Variants in COL23A1 observed in about 807,000 individuals in gnomAD.
COL23A1 encodes collagen type XXIII alpha 1 chain.
A neutral mutation model predicts 99.3 loss-of-function variants in COL23A1; 97 were observed. The ratio of observed to expected loss-of-function variants is 0.98; its 90% CI spans 0.83 to 1.16. The LOEUF (loss-of-function observed/expected upper bound fraction) is 1.16. Ranked by LOEUF, COL23A1 falls within the 50% of genes most tolerant of loss-of-function variation. COL23A1 has a pLI of 0.00. For missense variants in COL23A1, 762 were observed against 757.4 expected, an observed-to-expected ratio of 1.01 and a Z score of -0.07; for synonymous variants, 320 against 308.2, an observed-to-expected ratio of 1.04 and a Z score of -0.40.
intron 2 of COL23A1, among the ~76,000 whole-genome samples, chr5:178,341,721 C>T (rs894792271): frequency 6.6e-6 from 1 of 152,080 alleles, no homozygotes; most frequent in African/African-American, 2.4e-5. Flanking sequence ...TCCCTGACCT[C>T]GTCTCCCACT....
intron 8 of COL23A1, among the ~76,000 whole-genome samples, chr5:178,263,531 C>T (rs184198384): frequency 4.0e-3 from 604 of 152,332 alleles, no homozygotes; most frequent in Non-Finnish European, 5.7e-3. Flanking sequence ...AGAGGCCCTA[C>T]AGGACCCTTT....
Position 178,238,535 on chromosome 5 carries a change from C to G in COL23A1, c.*163G>C. 1 of 916,482 alleles carries G rather than the reference C, an allele frequency of 1.1e-6. No homozygotes were observed. 56.8% of individuals were successfully genotyped at this position (916,482 alleles called of 1,614,324 possible). On this transcript the variant is annotated 3_prime_UTR_variant, in exon 29 of 29. Coordinates refer to ENST00000390654, the MANE Select transcript of COL23A1 (RefSeq NM_173465.4). ...GTCTGGCCTGTCCACTTTCCGGCAG[C>G]TTCACATGCCGGTGGCTTTGGGGCT...
At chr5:178,565,214 G>A (rs993147175) in intron 1 of COL23A1, among the ~76,000 whole-genome samples, 2 of 152,242 alleles carry the variant, frequency 1.3e-5, no homozygotes, top group African/African-American at 4.8e-5. Context: ...TTTCTGGGCT[G>A]TTGTGATATC....
chr5:178,271,752 C>T lies in COL23A1; in HGVS notation c.442-1389G>A, dbSNP rs568166397. Among the ~76,000 whole-genome samples the T allele has an allele frequency of 1.4e-4, 22 of 152,328 alleles. No individual in the cohort carries two copies. The South Asian group carries it at 2.5e-3, about 17-fold the overall frequency. On this transcript the variant is annotated intron_variant, in intron 5 of 28. Coordinates refer to ENST00000390654, the MANE Select transcript of COL23A1 (RefSeq NM_173465.4). ...GGTAGAGGCTCTGCCAGCTCCTAGC[C>T]GGCAGGGCGCATTGTGGCGACAGTA...
chr5:178,293,238 G>A (rs1170722535), intron 3 of COL23A1, among the ~76,000 whole-genome samples: 1 of 152,098 alleles, frequency 6.6e-6, no homozygotes, highest in Non-Finnish European at 1.5e-5. Flanking sequence ...TTCGGTGTGG[G>A]GGAGGAGGGG....
At chr5:178,552,252 C>G (rs1419844440) in intron 2 of COL23A1, among the ~76,000 whole-genome samples, 1 of 152,130 alleles carries the variant, frequency 6.6e-6, no homozygotes, top group Admixed American at 6.6e-5. Context: ...GAATCTTAGT[C>G]AATAGCTCCC....
rs1346846747 is a variant in COL23A1, at chr5:178,472,041, C to T, written c.361+88641G>A. Reference sequence around the variant, plus strand: ...GCCTGGTGGCTCACACCTCTAATCCCGGTGCTGTGGGAGCTCAAGGAGGGA... The same window carrying T: ...GCCTGGTGGCTCACACCTCTAATCCTGGTGCTGTGGGAGCTCAAGGAGGGA... On this transcript the variant is annotated intron_variant, in intron 2 of 28. Coordinates refer to ENST00000390654, the MANE Select transcript of COL23A1 (RefSeq NM_173465.4). 4.6e-5 allele frequency among the ~76,000 whole-genome samples: 7 copies of T among 152,184 alleles called. No individual in the cohort carries two copies. The South Asian group carries it at 6.2e-4, about 13-fold the overall frequency.
At chr5:178,427,406 T>A (rs1257198401) in intron 2 of COL23A1, among the ~76,000 whole-genome samples, 1 of 152,232 alleles carries the variant, frequency 6.6e-6, no homozygotes, top group Non-Finnish European at 1.5e-5. Flanking sequence ...GCTCCAGCTA[T>A]CTTGCTCCTT....
At chr5:178,403,437 T>TATAA (rs1035197515) in intron 2 of COL23A1, among the ~76,000 whole-genome samples, 1 of 152,178 alleles carries the variant, frequency 6.6e-6, no homozygotes, top group Non-Finnish European at 1.5e-5. Flanking sequence ...AAACGCGTTA[T>TATAA]CTCCATTATT....
chr5:178,485,414 A>G lies in COL23A1; in HGVS notation c.361+75268T>C, dbSNP rs149887598. On this transcript the variant is annotated intron_variant, in intron 2 of 28. Transcript: ENST00000390654. ...TGTTTGAGCCCAGGAGGTTGAGGCTACCGTGACCTAGGATTGCACCACTGC... is the reference window on the plus strand; with the variant it reads ...TGTTTGAGCCCAGGAGGTTGAGGCTGCCGTGACCTAGGATTGCACCACTGC... Among the ~76,000 whole-genome samples, 936 of 151,838 alleles carry G rather than the reference A, an allele frequency of 6.2e-3. 13 individuals are homozygous for G. Among genetic ancestry groups the G allele is most frequent in the African/African-American group, 0.022 (891 of 41,380 alleles).
rs535262136 is a variant in COL23A1, at chr5:178,336,874, G to GA, written c.362-29956dup. On this transcript the variant is annotated intron_variant, in intron 2 of 28. Coordinates refer to ENST00000390654, the MANE Select transcript of COL23A1 (RefSeq NM_173465.4). ...ACTGGCTCTCCTAAGAGGGTAGAAG[G>GA]AAAAAAACAAAAAAAGGCAAAGCTG... Among the ~76,000 whole-genome samples, 151 of 152,044 alleles carry GA rather than the reference G, an allele frequency of 9.9e-4. 1 individual carries two copies. Among genetic ancestry groups the GA allele is most frequent in the African/African-American group, 3.4e-3 (142 of 41,508 alleles).
chr5:178,370,766 A>C (rs975555851), intron 2 of COL23A1, among the ~76,000 whole-genome samples: 1 of 152,208 alleles, frequency 6.6e-6, no homozygotes, highest in Non-Finnish European at 1.5e-5. Context: ...AAGGAAAAAA[A>C]TATTAAAATA....
At chr5:178,327,088 G>T (rs1038307400) in intron 2 of COL23A1, among the ~76,000 whole-genome samples, 2 of 152,188 alleles carry the variant, frequency 1.3e-5, no homozygotes, top group African/African-American at 2.4e-5. Context: ...ATATCCATTT[G>T]CATATTGGTT....
At chr5:178,502,399 G>C (rs1758615091) in intron 2 of COL23A1, among the ~76,000 whole-genome samples, 1 of 152,208 alleles carries the variant, frequency 6.6e-6, no homozygotes, top group Non-Finnish European at 1.5e-5. Context: ...CCAAAGTGCT[G>C]GGATTACAGG....
intron 2 of COL23A1, among the ~76,000 whole-genome samples, chr5:178,459,021 G>T (rs922982671): frequency 6.6e-6 from 1 of 152,144 alleles, no homozygotes; most frequent in African/African-American, 2.4e-5. Flanking sequence ...CAAATAAATT[G>T]TAAGAAAAAA....
intron 2 of COL23A1, among the ~76,000 whole-genome samples, chr5:178,349,723 C>T (rs1033199398): frequency 6.6e-6 from 1 of 152,206 alleles, no homozygotes; most frequent in African/African-American, 2.4e-5. Context: ...AATGATGGAC[C>T]AAGTCCTACT....
At position 178,472,599 on chromosome 5, in the gene COL23A1, G is replaced by T. The variant is rs1756815244; in HGVS notation, c.361+88083C>A. ...CTGCAGCAGCATCCATGGGTGCCAG[G>T]TGCTTATAATGCATCAGTCCTAATT... is the stretch of plus-strand genomic sequence containing the variant. On this transcript the variant is annotated intron_variant, in intron 2 of 28. Coordinates refer to ENST00000390654, the MANE Select transcript of COL23A1 (RefSeq NM_173465.4). Among the ~76,000 whole-genome samples, 6 of 104,350 alleles carry T rather than the reference G, an allele frequency of 5.7e-5. 1 individual carries two copies. In the South Asian group the frequency reaches 1.7e-3, roughly 29 times the overall value. 68.5% of individuals were successfully genotyped at this position (104,350 alleles called of 152,430 possible).
At chr5:178,454,281 T>C (rs745667842) in intron 2 of COL23A1, among the ~76,000 whole-genome samples, 6 of 150,490 alleles carry the variant, frequency 4.0e-5, no homozygotes, top group Middle Eastern at 6.8e-3. Flanking sequence ...GAGTACTTCA[T>C]TCAAACGTTT....
At chr5:178,431,060 C>T (rs958801921) in intron 2 of COL23A1, among the ~76,000 whole-genome samples, 1 of 152,042 alleles carries the variant, frequency 6.6e-6, no homozygotes, top group African/African-American at 2.4e-5. Flanking sequence ...GAGACCAGAG[C>T]CCCAGGCAGT....
Sources: allele counts gnomAD v4.1 joint callset (sites outside exome capture counted in the v4.1 genomes callset), GRCh38; gene constraint gnomAD v4.1.1; transcripts MANE v1.5; gene names NCBI Gene and HGNC (gene_info 2026-07-23, HGNC 2026-07-21).